The following ZNF805 variants were observed in gnomAD, a reference collection of about 807,000 sequenced individuals.
ZNF805 encodes zinc finger protein 805, also known as CTC-444N24.8.
In ZNF805, 7 loss-of-function variants were observed where a neutral mutation model predicts 13.6. That is an observed-to-expected ratio of 0.51 (90% CI 0.29 to 0.97). The LOEUF (loss-of-function observed/expected upper bound fraction) is 0.97, where lower values mean the gene tolerates loss of function less well. Ranked by LOEUF, ZNF805 falls within the 50% of genes least tolerant of loss-of-function variation. The pLI, the probability that ZNF805 is intolerant of heterozygous loss-of-function variation, is 0.08. For synonymous variants in ZNF805, 293 were observed against 279.8 expected (o/e 1.05, Z -0.47); for missense variants, 604 against 771.0 (o/e 0.78, Z 2.57).
At chr19:57,251,728 A>G (rs971275270) in intron 3 of ZNF805, among the ~76,000 whole-genome samples, 1 of 152,188 alleles carries the variant, frequency 6.6e-6, no homozygotes, top group African/African-American at 2.4e-5. Context: ...TTTTATTGTA[A>G]GTTGTAAAAC....
intron 3 of ZNF805, among the ~76,000 whole-genome samples, chr19:57,249,470 G>A (rs1321981584): frequency 4.0e-4 from 61 of 152,342 alleles, no homozygotes; most frequent in African/African-American, 1.4e-3. Context: ...TTGTAATCAT[G>A]TGATACATTA....
chr19:57,248,631 A>G lies in ZNF805; in HGVS notation c.184A>G (p.Ile62Val). 1 of 1,599,176 alleles carries G rather than the reference A, an allele frequency of 6.3e-7. No homozygotes were observed. The highest frequency in any genetic ancestry group is 8.5e-7 in the Non-Finnish European group (1 of 1,172,184). Residue 62 changes from isoleucine (I) to valine (V), a missense_variant, in exon 3 of 4, where the codon ATC becomes GTC. This residue lies in a region of ZNF805 where 327 missense variants were observed against 378.2 expected (regional missense o/e 0.86). Transcript: ENST00000414468. ...GTGTCCTGTTCCCAGACCTGAGCTGATCTACCACCTAGAGCATGGGCAGGA... is the reference window on the plus strand; with the variant it reads ...GTGTCCTGTTCCCAGACCTGAGCTGGTCTACCACCTAGAGCATGGGCAGGA... ...LGCPVPRPEL[I>V]YHLEHGQEPW...
rs1599982684 is a variant in ZNF805 at position 57,240,802 on chromosome 19, G to A, written c.-90G>A. The A allele has an allele frequency of 2.3e-6, 3 of 1,303,668 alleles. No homozygotes were observed. Among genetic ancestry groups the A allele is most frequent in the Admixed American group, 2.6e-5 (1 of 37,984 alleles). The allele number at this position is 1,303,668 out of a possible 1,614,324, so 80.8% of individuals were successfully genotyped here. ...ACTGTCAGCCAAGGTCACCGGGCCC[G>A]GCGCAGGGAAGGGGTGGGGCTCGGC... On this transcript the variant is annotated 5_prime_UTR_variant, in exon 1 of 4. Transcript: ENST00000414468.
rs1423621467 is a variant in ZNF805 at position 57,254,761 on chromosome 19, C to T, written c.*58C>T. 1.1e-5 allele frequency: 17 copies of T among 1,512,372 alleles called. No individual in the cohort carries two copies. The highest frequency in any genetic ancestry group is 1.5e-5 in the Non-Finnish European group (17 of 1,121,028). The allele number at this position is 1,512,372 out of a possible 1,614,324, so 93.7% of individuals were successfully genotyped here. The stretch of plus-strand genomic sequence containing the variant: ...CCTAAGGAGTCATATTAGAAAATCA[C>T]GCAGCTTAGAGCCTTATTCTCCATC... On this transcript the variant is annotated 3_prime_UTR_variant, in exon 4 of 4. Transcript: ENST00000414468.
At position 57,254,827 on chromosome 19, in the gene ZNF805, T is replaced by G; in HGVS notation, c.*124T>G. On this transcript the variant is annotated 3_prime_UTR_variant, in exon 4 of 4. Coordinates refer to ENST00000414468, the MANE Select transcript of ZNF805 (RefSeq NM_001023563.4). ...AAAACACCCAGTGGTTATTACGCAC[T>G]TGGGAAAACCTTTAGCTCCATCTTT... 3 of 1,005,466 alleles carry G rather than the reference T, an allele frequency of 3.0e-6. No homozygotes were observed. Among genetic ancestry groups the G allele is most frequent in the East Asian group, 5.2e-5 (2 of 38,098 alleles). 62.3% of individuals were successfully genotyped at this position (1,005,466 alleles called of 1,614,324 possible).
chr19:57,241,171 G>T (rs996693913), intron 1 of ZNF805, among the ~76,000 whole-genome samples: 1 of 152,006 alleles, frequency 6.6e-6, no homozygotes, highest in Admixed American at 6.6e-5. Context: ...GTAGCAACCT[G>T]CCCAGGAAAC....
At chr19:57,247,130 G>A (rs1028868011) in intron 2 of ZNF805, among the ~76,000 whole-genome samples, 6 of 151,122 alleles carry the variant, frequency 4.0e-5, no homozygotes, top group African/African-American at 9.7e-5. Flanking sequence ...ACACCTTACC[G>A]TCTCCAGTAG....
chr19:57,241,669 G>T (rs942656987), intron 1 of ZNF805, among the ~76,000 whole-genome samples: 2 of 92,266 alleles, frequency 2.2e-5, no homozygotes, highest in African/African-American at 7.1e-5. Flanking sequence ...GACCACCTCT[G>T]TCCTTGTTTC....
rs1025647814 is a variant in ZNF805 at position 57,256,692 on chromosome 19, C to T, written c.*1989C>T. The stretch of plus-strand genomic sequence containing the variant: ...TATTCTTGATATTGGAAATGTATCA[C>T]TTATTATTGTCAGTCTTTGTAGACA... On this transcript the variant is annotated 3_prime_UTR_variant, in exon 4 of 4. Transcript: ENST00000414468. 6.6e-6 allele frequency among the ~76,000 whole-genome samples: 1 copy of T among 152,046 alleles called. No individual in the cohort carries two copies. The highest frequency in any genetic ancestry group is 1.5e-5 in the Non-Finnish European group (1 of 67,964).
At position 57,257,048 on chromosome 19, in the gene ZNF805, G is replaced by A. The variant is rs2087691609; in HGVS notation, c.*2345G>A. Among the ~76,000 whole-genome samples the A allele has an allele frequency of 3.3e-5, 5 of 152,010 alleles. No individual in the cohort carries two copies. Among genetic ancestry groups the A allele is most frequent in the Admixed American group, 3.3e-4 (5 of 15,262 alleles). The stretch of plus-strand genomic sequence containing the variant: ...CTTTTGAGACATCTTCTCTAACCCA[G>A]GAATTATTTAGAAGTATATTGTTTA... On this transcript the variant is annotated 3_prime_UTR_variant, in exon 4 of 4. Transcript: ENST00000414468.
intron 2 of ZNF805, among the ~76,000 whole-genome samples, chr19:57,248,124 C>G (rs146487389): frequency 1.3e-5 from 2 of 151,786 alleles, no homozygotes; most frequent in Non-Finnish European, 2.9e-5. Flanking sequence ...GAGCGGAGAT[C>G]GCGCCACTGC....
chr19:57,252,215 T>C (rs573341658), intron 3 of ZNF805, among the ~76,000 whole-genome samples: 2 of 152,314 alleles, frequency 1.3e-5, no homozygotes, highest in South Asian at 2.1e-4. Flanking sequence ...TACCTTCTAT[T>C]GGAAAACTGC....
intron 3 of ZNF805, among the ~76,000 whole-genome samples, chr19:57,252,853 C>A (rs2087659908): frequency 6.6e-6 from 1 of 152,220 alleles, no homozygotes; most frequent in South Asian, 2.1e-4. Flanking sequence ...ACTCTAGGCC[C>A]TGTCCCCTCA....
rs564258443 is a variant in ZNF805 at position 57,257,773 on chromosome 19, C to T, written c.*3070C>T. On this transcript the variant is annotated 3_prime_UTR_variant, in exon 4 of 4. Coordinates refer to ENST00000414468, the MANE Select transcript of ZNF805 (RefSeq NM_001023563.4). ...CCAGGCTGGAGTGGAGTGGTGCGAT[C>T]TCCGCTCACTGCAACCTCCGCCTCC... Among the ~76,000 whole-genome samples, 1 of 125,920 alleles carries T rather than the reference C, an allele frequency of 7.9e-6. No individual in the cohort carries two copies. Among genetic ancestry groups the T allele is most frequent in the Admixed American group, 1.1e-4 (1 of 9,326 alleles). The allele number at this position is 125,920 out of a possible 152,430, so 82.6% of individuals were successfully genotyped here.
chr19:57,246,774 CAAAAAA>C (rs1168593434), intron 2 of ZNF805, among the ~76,000 whole-genome samples: 41 of 86,250 alleles, frequency 4.8e-4, no homozygotes, highest in African/African-American at 1.5e-3. Context: ...GACTTCGTCT[CAAAAAA>C]AAAAAAAAAA....
intron 2 of ZNF805, 40 bp downstream of exon 2, chr19:57,244,089 C>T: frequency 3.1e-6 from 5 of 1,595,590 alleles, no homozygotes; most frequent in Non-Finnish European, 4.3e-6. Flanking sequence ...GATCTGCCAC[C>T]TCCTTCGTTC....
Position 57,261,741 on chromosome 19 carries a change from C to T in ZNF805, c.*7038C>T, listed in dbSNP as rs1402111188. 1 of 166,988 alleles carries T rather than the reference C, an allele frequency of 6.0e-6. No individual in the cohort carries two copies. The highest frequency in any genetic ancestry group is 1.5e-5 in the Non-Finnish European group (1 of 68,100). The allele number at this position is 166,988 out of a possible 1,614,324, so 10.3% of individuals were successfully genotyped here. A position where few individuals can be genotyped will look rare whatever the true frequency, so the allele number is the denominator to read the frequency against. ...ATGAATGCTGGAGTCCTCAAGACCC[C>T]TTCCAGATTTGATTTGCTAGGAAGA... On this transcript the variant is annotated 3_prime_UTR_variant, in exon 4 of 4. Coordinates refer to ENST00000414468, the MANE Select transcript of ZNF805 (RefSeq NM_001023563.4).
intron 1 of ZNF805, among the ~76,000 whole-genome samples, chr19:57,242,358 T>A (rs1466538602): frequency 6.6e-6 from 1 of 152,174 alleles, no homozygotes; most frequent in East Asian, 1.9e-4. Context: ...GCAAAGTGTG[T>A]TGGTTGTTTA....
chr19:57,257,268 T>C lies in ZNF805; in HGVS notation c.*2565T>C, dbSNP rs76314797. Among the ~76,000 whole-genome samples the C allele has an allele frequency of 0.035, 5,296 of 152,266 alleles. 147 individuals are homozygous for C. Among genetic ancestry groups the C allele is most frequent in the Middle Eastern group, 0.068 (20 of 294 alleles). ...TTCTGTAAAAGTTTGTATGATCCTG[T>C]TAGTTGGTGGTGTTATTTAGGTCTC... On this transcript the variant is annotated 3_prime_UTR_variant, in exon 4 of 4. Coordinates refer to ENST00000414468, the MANE Select transcript of ZNF805 (RefSeq NM_001023563.4).
Sources: gnomAD v4.1 joint callset for allele counts (sites outside exome capture counted in the v4.1 genomes callset) on GRCh38, gnomAD v4.1.1 for gene constraint, gnomAD v4.1.1 regional missense constraint, MANE v1.5 for transcripts, NCBI Gene and HGNC (gene_info 2026-07-23, HGNC 2026-07-21) for gene names.